Variants in NUDT21 observed in about 807,000 individuals in gnomAD.
NUDT21 encodes the protein cleavage and polyadenylation specificity factor subunit 5.
Under a neutral mutation model 29.8 loss-of-function variants are expected in NUDT21, and 5 were observed. The ratio of observed to expected loss-of-function variants is 0.17; its 90% CI spans 0.09 to 0.35. NUDT21 has a LOEUF of 0.35. NUDT21 is among the 10% of genes least tolerant of loss of function. The probability of loss-of-function intolerance (pLI) is 1.00; values close to 1 mark genes in which losing one functional copy is unlikely to be tolerated. For synonymous variants in NUDT21, 113 were observed against 98.5 expected (o/e 1.15, Z -0.87); for missense variants, 76 against 276.0 (o/e 0.28, Z 5.13).
At chr16:56,433,583 C>A (rs936756633) in intron 6 of NUDT21, among the ~76,000 whole-genome samples, 1 of 152,192 alleles carries the variant, frequency 6.6e-6, no homozygotes, top group Non-Finnish European at 1.5e-5. Flanking sequence ...TCAAACCCCA[C>A]GTAAAAGTTC....
chr16:56,434,498 A>T, intron 5 of NUDT21, 53 bp from the exon 6 acceptor site: 1 of 1,024,640 alleles, frequency 9.8e-7, no homozygotes, highest in Non-Finnish European at 1.5e-6. Flanking sequence ...CACTGCTTCC[A>T]TTTCATTTTT....
intron 3 of NUDT21, among the ~76,000 whole-genome samples, chr16:56,446,161 G>T (rs1297845477): frequency 6.6e-6 from 1 of 152,176 alleles, no homozygotes; most frequent in African/African-American, 2.4e-5. Flanking sequence ...TTTGGGCAAA[G>T]TCTAAAAAAT....
intron 4 of NUDT21, among the ~76,000 whole-genome samples, chr16:56,438,060 AC>A (rs529331695): frequency 5.9e-4 from 90 of 152,290 alleles, no homozygotes; most frequent in African/African-American, 2.1e-3. Context: ...AGTACACTAT[AC>A]CAATTGTGAT....
chr16:56,446,330 T>C (rs1174230687), intron 3 of NUDT21, among the ~76,000 whole-genome samples: 1 of 152,186 alleles, frequency 6.6e-6, no homozygotes, highest in Non-Finnish European at 1.5e-5. Flanking sequence ...TTCCTACAGT[T>C]GTGGTGGTGA....
rs1174315903 is a variant in NUDT21 at position 56,429,273 on chromosome 16, A to G, written c.*3439T>C. On this transcript the variant is annotated 3_prime_UTR_variant, in exon 7 of 7. Transcript: ENST00000300291. Reference sequence around the variant, plus strand: ...ACATTTGCCATAAACGTAATACCAGAAAAGTTCTCAAAACCAAACTATAAA... The same window carrying G: ...ACATTTGCCATAAACGTAATACCAGGAAAGTTCTCAAAACCAAACTATAAA... 1 of 152,264 alleles carries G rather than the reference A, an allele frequency of 6.6e-6. No homozygotes were observed. The allele number at this position is 152,264 out of a possible 1,614,324, so 9.4% of individuals were successfully genotyped here. A position where few individuals can be genotyped will look rare whatever the true frequency, so the allele number is the denominator to read the frequency against.
chr16:56,430,126 A>T lies in NUDT21; in HGVS notation c.*2586T>A, dbSNP rs1962017086. ...TGAATGCTATTTATAAGACAATAAAAAGTTTTAAAATCTTCCAAATGTGCT... is the reference window on the plus strand; with the variant it reads ...TGAATGCTATTTATAAGACAATAAATAGTTTTAAAATCTTCCAAATGTGCT... On this transcript the variant is annotated 3_prime_UTR_variant, in exon 7 of 7. Coordinates refer to ENST00000300291, the MANE Select transcript of NUDT21 (RefSeq NM_007006.3). 2.0e-5 allele frequency: 3 copies of T among 152,322 alleles called. No individual in the cohort carries two copies. Among genetic ancestry groups the T allele is most frequent in the South Asian group, 4.1e-4 (2 of 4,830 alleles). 9.4% of individuals were successfully genotyped at this position (152,322 alleles called of 1,614,324 possible). A position where few individuals can be genotyped will look rare whatever the true frequency, so the allele number is the denominator to read the frequency against.
intron 4 of NUDT21, among the ~76,000 whole-genome samples, chr16:56,436,493 G>A (rs1176527454): frequency 1.3e-5 from 2 of 152,080 alleles, no homozygotes; most frequent in Non-Finnish European, 2.9e-5. Flanking sequence ...CCATCCCTAG[G>A]GTACAATGAA....
At position 56,432,704 on chromosome 16, in the gene NUDT21, G is replaced by T. The variant is rs567534378; in HGVS notation, c.*8C>A. 3 of 1,609,922 alleles carry T rather than the reference G, an allele frequency of 1.9e-6. No homozygotes were observed. The African/African-American group carries it at 4.0e-5, about 22-fold the overall frequency. On this transcript the variant is annotated 3_prime_UTR_variant, in exon 7 of 7. Coordinates refer to ENST00000300291, the MANE Select transcript of NUDT21 (RefSeq NM_007006.3). ...GCGGCTTCTTTTACTTCTCCACTGC[G>T]CAGGAATTCAGTTGTAAATAAAATT...
intron 2 of NUDT21, 193 bp from the exon 3 acceptor site, chr16:56,446,882 C>G: frequency 2.2e-6 from 1 of 449,954 alleles, no homozygotes; most frequent in Non-Finnish European, 3.9e-6. Flanking sequence ...AGTATACAAA[C>G]CCTAGGTTTT....
At chr16:56,435,775 ATATATATATG>A (rs1327707677) in intron 4 of NUDT21, among the ~76,000 whole-genome samples, 2 of 106,932 alleles carry the variant, frequency 1.9e-5, no homozygotes, top group African/African-American at 3.6e-5. Flanking sequence ...ATATATATAT[ATATATATATG>A]ATCAGTAAGT....
At chr16:56,441,916 G>A (rs1276865301) in intron 3 of NUDT21, among the ~76,000 whole-genome samples, 1 of 151,868 alleles carries the variant, frequency 6.6e-6, no homozygotes, top group African/African-American at 2.4e-5. Context: ...CTTTTTTCAA[G>A]ACAAGATCTG....
chr16:56,434,461 A>G lies in NUDT21; in HGVS notation c.548-16T>C. The G allele has an allele frequency of 7.2e-7, 1 of 1,383,878 alleles. No individual in the cohort carries two copies. The allele number at this position is 1,383,878 out of a possible 1,614,324, so 85.7% of individuals were successfully genotyped here. A position where few individuals can be genotyped will look rare whatever the true frequency, so the allele number is the denominator to read the frequency against. On this transcript the variant is annotated splice_polypyrimidine_tract_variant and intron_variant, in intron 5 of 6. Transcript: ENST00000300291. ...GCAAACAAGGCTAAAATAAAACAGA[A>G]TTCATTATTATAAGTTATTATATAA...
intron 1 of NUDT21, among the ~76,000 whole-genome samples, chr16:56,450,721 G>A (rs1292849535): frequency 6.6e-6 from 1 of 152,172 alleles, no homozygotes; most frequent in Admixed American, 6.5e-5. Context: ...CACTCACAAA[G>A]CAATACCATG....
chr16:56,438,715 A>G (rs928102436), intron 4 of NUDT21, among the ~76,000 whole-genome samples: 3 of 152,006 alleles, frequency 2.0e-5, no homozygotes, highest in Admixed American at 6.6e-5. Flanking sequence ...CAGGGGAAAC[A>G]GCTACATATT....
chr16:56,443,870 C>A (rs968726210), intron 3 of NUDT21, among the ~76,000 whole-genome samples: 1 of 152,214 alleles, frequency 6.6e-6, no homozygotes, highest in African/African-American at 2.4e-5. Flanking sequence ...AATTACCCAG[C>A]CTCAGGTATT....
rs1426029870 is a variant in NUDT21, at chr16:56,432,466, ATT to A, written c.*244_*245del. The stretch of plus-strand genomic sequence containing the variant: ...TGAGAAATTAAAATAAAAAAAGTCC[ATT>A]TTCTTTAATGTTGTACAAAAAAGTA... On this transcript the variant is annotated 3_prime_UTR_variant, in exon 7 of 7. Coordinates refer to ENST00000300291, the MANE Select transcript of NUDT21 (RefSeq NM_007006.3). The A allele has an allele frequency of 8.0e-6, 3 of 375,210 alleles. No individual in the cohort carries two copies. Among genetic ancestry groups the A allele is most frequent in the Non-Finnish European group, 1.5e-5 (3 of 205,596 alleles). The allele number at this position is 375,210 out of a possible 1,614,324, so 23.2% of individuals were successfully genotyped here.
At chr16:56,433,739 G>A (rs1369010862) in intron 6 of NUDT21, among the ~76,000 whole-genome samples, 1 of 152,090 alleles carries the variant, frequency 6.6e-6, no homozygotes, top group Admixed American at 6.6e-5. Context: ...CCAGGCTGGA[G>A]TGCAGTAGCG....
chr16:56,445,522 T>C (rs1567540060), intron 3 of NUDT21, among the ~76,000 whole-genome samples: 1 of 152,224 alleles, frequency 6.6e-6, no homozygotes, highest in Non-Finnish European at 1.5e-5. Flanking sequence ...AGCTAAACAC[T>C]TCTGGTCCCA....
Position 56,429,859 on chromosome 16 carries a change from T to C in NUDT21, c.*2853A>G, listed in dbSNP as rs1313888919. 6.6e-6 allele frequency: 1 copy of C among 152,154 alleles called. No individual in the cohort carries two copies. The highest frequency in any genetic ancestry group is 2.4e-5 in the African/African-American group (1 of 41,440). 9.4% of individuals were successfully genotyped at this position (152,154 alleles called of 1,614,324 possible). A position where few individuals can be genotyped will look rare whatever the true frequency, so the allele number is the denominator to read the frequency against. ...GAGGATGGAAAAGCTACCCCAAGCATTTCATCTCAAGTGACTGAACAAGTA... is the reference window on the plus strand; with the variant it reads ...GAGGATGGAAAAGCTACCCCAAGCACTTCATCTCAAGTGACTGAACAAGTA... On this transcript the variant is annotated 3_prime_UTR_variant, in exon 7 of 7. Coordinates refer to ENST00000300291, the MANE Select transcript of NUDT21 (RefSeq NM_007006.3).
Sources: gnomAD v4.1 joint callset for allele counts (sites outside exome capture counted in the v4.1 genomes callset) on GRCh38, gnomAD v4.1.1 for gene constraint, MANE v1.5 for transcripts, NCBI Gene and HGNC (gene_info 2026-07-23, HGNC 2026-07-21) for gene names.